ZBTB41: variants seen among roughly 807,000 people sequenced by gnomAD.
The protein encoded by ZBTB41 is zinc finger and BTB domain-containing protein 41.
ZBTB41 carries 42 observed loss-of-function variants against 87.6 expected under a neutral mutation model. That is an observed-to-expected ratio of 0.48 (90% CI 0.37 to 0.62). ZBTB41 has a LOEUF of 0.62. Among genes scored for constraint, ZBTB41 ranks in the 20% least tolerant of loss-of-function variants. ZBTB41 has a pLI of 0.00. For missense variants in ZBTB41, 799 were observed against 1,078.9 expected, an observed-to-expected ratio of 0.74 and a Z score of 3.63; for synonymous variants, 364 against 364.0, an observed-to-expected ratio of 1.00 and a Z score of 0.00.
Position 197,178,491 on chromosome 1 carries a change from C to A in ZBTB41, c.1698G>T (p.Leu566Phe). 1 of 1,606,142 alleles carries A rather than the reference C, an allele frequency of 6.2e-7. No individual in the cohort carries two copies. Among genetic ancestry groups the A allele is most frequent in the Non-Finnish European group, 8.5e-7 (1 of 1,176,304 alleles). The change falls in exon 7 of 11, where the codon TTG becomes TTT. Residue 566 changes from leucine to phenylalanine, a missense_variant. Leu to Phe is a conservative substitution (Grantham distance 22, BLOSUM62 0). Around this residue, in one of 5 missense-constraint regions of ZBTB41, gnomAD observed 198 missense variants for 358.4 expected, o/e 0.55. Coordinates refer to ENST00000367405, the MANE Select transcript of ZBTB41 (RefSeq NM_194314.3). ...VRERTTLKEH[L>F]RIHSGEKPHL... is the part of the protein sequence containing the mutation. ...GAGGCTTTTCTCCACTGTGGATTCT[C>A]AAATGTTCTTTCAAAGTAGTTCTGC...
Position 197,172,168 on chromosome 1 carries a change from G to A in ZBTB41, c.2066C>T (p.Thr689Met), listed in dbSNP as rs553990543. ...GKSSLEMHFR[T>M]HSGEKPYKCQ... ...CACTCATTAAATTTTACCTGAATGC[G>A]TTCGAAAATGCATTTCCAGACTTGA... is the stretch of plus-strand genomic sequence containing the variant. Residue 689 changes from threonine (T) to methionine (M), a missense_variant, in exon 10 of 11, where the codon ACG (threonine) becomes ATG (methionine). By Grantham distance (81) the Thr-to-Met change is moderately conservative. This residue lies in a region of ZBTB41 where 198 missense variants were observed against 358.4 expected (regional missense o/e 0.55). Transcript: ENST00000367405. 2.2e-5 allele frequency: 31 copies of A among 1,400,354 alleles called. No individual in the cohort carries two copies. The highest frequency in any genetic ancestry group is 1.9e-4 in the Middle Eastern group (1 of 5,308). 86.7% of individuals were successfully genotyped at this position (1,400,354 alleles called of 1,614,324 possible).
chr1:197,192,987 G>A (rs1660071754), intron 2 of ZBTB41, among the ~76,000 whole-genome samples: 1 of 152,042 alleles, frequency 6.6e-6, no homozygotes, highest in Admixed American at 6.6e-5. Flanking sequence ...CTTAAGGTAA[G>A]GGAAGAATGT....
At chr1:197,184,392 T>G (rs1312394430) in intron 5 of ZBTB41, among the ~76,000 whole-genome samples, 2 of 152,200 alleles carry the variant, frequency 1.3e-5, no homozygotes, top group Non-Finnish European at 2.9e-5. Context: ...CTTGAAAGTA[T>G]TTGAAGACAG....
chr1:197,193,785 T>G (rs1439810653), intron 2 of ZBTB41, among the ~76,000 whole-genome samples: 1 of 152,250 alleles, frequency 6.6e-6, no homozygotes, highest in Non-Finnish European at 1.5e-5. Context: ...AAGTATTCCC[T>G]TATTGTGAAA....
chr1:197,156,971 T>C lies in ZBTB41; in HGVS notation c.*2388A>G, dbSNP rs1340474134. On this transcript the variant is annotated 3_prime_UTR_variant, in exon 11 of 11. Coordinates refer to ENST00000367405, the MANE Select transcript of ZBTB41 (RefSeq NM_194314.3). ...TCAAATTCTTTATAAAGTGGGAATA[T>C]AGCTTGTTTTTACTATTTCAGGGCT... 6.6e-6 allele frequency: 1 copy of C among 152,166 alleles called. No individual in the cohort carries two copies. The highest frequency in any genetic ancestry group is 2.4e-5 in the African/African-American group (1 of 41,406). 9.4% of individuals were successfully genotyped at this position (152,166 alleles called of 1,614,324 possible). A position where few individuals can be genotyped will look rare whatever the true frequency, so the allele number is the denominator to read the frequency against.
intron 2 of ZBTB41, among the ~76,000 whole-genome samples, chr1:197,195,044 C>G (rs1001625555): frequency 3.3e-5 from 5 of 152,164 alleles, no homozygotes; most frequent in African/African-American, 1.2e-4. Context: ...TCAGCACAAA[C>G]AGTAAACATC....
At chr1:197,198,453 T>C (rs533982029) in intron 2 of ZBTB41, among the ~76,000 whole-genome samples, 5 of 152,276 alleles carry the variant, frequency 3.3e-5, no homozygotes, top group South Asian at 2.1e-4. Flanking sequence ...TATATTAAAC[T>C]GGGTAAGTAA....
In ZBTB41 at chr1:197,176,546, T is replaced by C; in HGVS notation, c.1879+18A>G. 1 of 1,562,628 alleles carries C rather than the reference T, an allele frequency of 6.4e-7. No individual in the cohort carries two copies. The highest frequency in any genetic ancestry group is 1.1e-5 in the South Asian group (1 of 87,990). ...TTTAAAAAGGATTTTCGAACTAGCA[T>C]TACAAAATATGGTATACCTGAATGT... On this transcript the variant is annotated intron_variant, in intron 8 of 10. Transcript: ENST00000367405.
In ZBTB41 at chr1:197,155,994, A is replaced by T. The variant is rs1659058086; in HGVS notation, c.*3365T>A. The T allele has an allele frequency of 6.6e-6, 1 of 152,270 alleles. No individual in the cohort carries two copies. 9.4% of individuals were successfully genotyped at this position (152,270 alleles called of 1,614,324 possible). On this transcript the variant is annotated 3_prime_UTR_variant, in exon 11 of 11. Transcript: ENST00000367405. ...TGACTTAAAAAAATTCGAAGGCAAAAATTATTTTGATAGTGTAGTGTAAAA... is the reference window on the plus strand; with the variant it reads ...TGACTTAAAAAAATTCGAAGGCAAATATTATTTTGATAGTGTAGTGTAAAA...
intron 6 of ZBTB41, among the ~76,000 whole-genome samples, chr1:197,178,949 T>A (rs542590760): frequency 7.9e-5 from 12 of 152,242 alleles, no homozygotes; most frequent in African/African-American, 2.9e-4. Context: ...TGTTGTAGTA[T>A]TTCTAACTTC....
chr1:197,180,628 T>C (rs998461333), intron 6 of ZBTB41, among the ~76,000 whole-genome samples: 1 of 148,154 alleles, frequency 6.7e-6, no homozygotes, highest in Non-Finnish European at 1.5e-5. Flanking sequence ...ATTCTTGTTT[T>C]GCCTTGATCC....
At chr1:197,171,182 G>A in intron 10 of ZBTB41, among the ~76,000 whole-genome samples, 1 of 152,000 alleles carries the variant, frequency 6.6e-6, no homozygotes, top group Non-Finnish European at 1.5e-5. Context: ...AGTTCTATTA[G>A]GTTAATTATT....
intron 2 of ZBTB41, among the ~76,000 whole-genome samples, chr1:197,198,343 G>A (rs561485097): frequency 1.3e-5 from 2 of 152,206 alleles, no homozygotes; most frequent in African/African-American, 4.8e-5. Flanking sequence ...AGCGTATAAT[G>A]CAACATCTTT....
At position 197,159,541 on chromosome 1, in the gene ZBTB41, G is replaced by A. The variant is rs368570752; in HGVS notation, c.2548C>T (p.Arg850Ter). ...TCCAGAAAAGCTAAATCCGCTGCTC[G>A]TGGATAATCAGTTGACTGTGGCTGT... ...SPQPQSTDYP[R>*]AADLAFLEKY... is the part of the protein sequence containing the mutation. Residue 850 changes from arginine to a stop codon, truncating the protein, a stop_gained, in exon 11 of 11, where the codon CGA (arginine) becomes TGA (stop). Transcript: ENST00000367405. LOFTEE classifies it high-confidence loss of function. 5 of 1,613,788 alleles carry A rather than the reference G, an allele frequency of 3.1e-6. No homozygotes were observed. The highest frequency in any genetic ancestry group is 1.1e-5 in the South Asian group (1 of 91,088).
chr1:197,195,153 A>C (rs565434035), intron 2 of ZBTB41, among the ~76,000 whole-genome samples: 1 of 152,358 alleles, frequency 6.6e-6, no homozygotes, highest in South Asian at 2.1e-4. Flanking sequence ...TTTCAAAAAC[A>C]GTATTCCTTC....
intron 10 of ZBTB41, among the ~76,000 whole-genome samples, chr1:197,160,466 C>T (rs528331574): frequency 9.0e-4 from 137 of 152,218 alleles, no homozygotes; most frequent in Non-Finnish European, 1.3e-3. Flanking sequence ...TTCTCCCCCA[C>T]GCAAGGAGGA....
At chr1:197,185,946 C>A (rs1393841221) in intron 5 of ZBTB41, among the ~76,000 whole-genome samples, 2 of 152,024 alleles carry the variant, frequency 1.3e-5, no homozygotes, top group African/African-American at 4.8e-5. Context: ...CCCAGAAAGT[C>A]ATTTTGTGGA....
rs747977185 is a variant in ZBTB41 at position 197,199,625 on chromosome 1, T to G, written c.849A>C (p.Glu283Asp). 10 of 1,611,454 alleles carry G rather than the reference T, an allele frequency of 6.2e-6. No individual in the cohort carries two copies. In the South Asian group the frequency reaches 1.1e-4, roughly 18 times the overall value. ...SGDGSDNLNQ[E>D]NFDKEKSDRN... ...TATCTGACTTTTCCTTATCAAAATT[T>G]TCTTGATTCAAATTGTCTGACCCAT... Residue 283 changes from glutamate (E) to aspartate (D), a missense_variant, in exon 2 of 11, where the codon GAA becomes GAC. By Grantham distance (45) the Glu-to-Asp change is conservative. Coordinates refer to ENST00000367405, the MANE Select transcript of ZBTB41 (RefSeq NM_194314.3).
At position 197,199,609 on chromosome 1, in the gene ZBTB41, T is replaced by G. The variant is rs751595183; in HGVS notation, c.865A>C (p.Lys289Gln). Residue 289 changes from lysine to glutamine, a missense_variant, in exon 2 of 11, where the codon AAG becomes CAG. By Grantham distance (53) the Lys-to-Gln change is moderately conservative (BLOSUM62 1). Transcript: ENST00000367405. ...NLNQENFDKE[K>Q]SDRNDSEDPG... ...TCCTCAGAATCATTTCTATCTGACT[T>G]TTCCTTATCAAAATTTTCTTGATTC... The G allele has an allele frequency of 6.2e-7, 1 of 1,610,674 alleles. No individual in the cohort carries two copies.
Sources: allele counts gnomAD v4.1 joint callset (sites outside exome capture counted in the v4.1 genomes callset), GRCh38; gene constraint gnomAD v4.1.1; regional missense constraint gnomAD v4.1.1; transcripts MANE v1.5; gene names NCBI Gene and HGNC (gene_info 2026-07-23, HGNC 2026-07-21).